Variants in L3MBTL4 observed in about 807,000 individuals in gnomAD.
The protein encoded by L3MBTL4 is L3MBTL histone methyl-lysine binding protein 4, also known as lethal(3)malignant brain tumor-like protein 4.
In L3MBTL4, 70 loss-of-function variants were observed where a neutral mutation model predicts 84.5. That is an observed-to-expected ratio of 0.83 (90% confidence interval 0.68 to 1.01). The LOEUF is 1.01. Among genes scored for constraint, L3MBTL4 ranks in the 50% least tolerant of loss-of-function variants. The pLI, the probability that L3MBTL4 is intolerant of heterozygous loss-of-function variation, is 0.00. For missense variants in L3MBTL4, 715 were observed against 754.8 expected (o/e 0.95, Z 0.62); for synonymous variants, 274 against 259.8 (o/e 1.05, Z -0.52).
At chr18:6,068,491 A>G (rs1240837539) in intron 16 of L3MBTL4, among the ~76,000 whole-genome samples, 2 of 152,216 alleles carry the variant, frequency 1.3e-5, no homozygotes, top group Non-Finnish European at 2.9e-5. Context: ...TTCCTGTCCC[A>G]GTATTCCAGC....
chr18:6,257,676 C>T (rs571231893), intron 5 of L3MBTL4, among the ~76,000 whole-genome samples: 13 of 112,630 alleles, frequency 1.2e-4, no homozygotes, highest in South Asian at 2.6e-4. Context: ...AATGGAGTTT[C>T]GCTCTTGTTG....
At chr18:6,116,527 C>T (rs958815966) in intron 14 of L3MBTL4, among the ~76,000 whole-genome samples, 1 of 152,100 alleles carries the variant, frequency 6.6e-6, no homozygotes, top group Non-Finnish European at 1.5e-5. Flanking sequence ...CCCTGCCCAG[C>T]TAATTTTTGT....
chr18:6,169,126 G>T (rs185721289), intron 13 of L3MBTL4, among the ~76,000 whole-genome samples: 1 of 152,322 alleles, frequency 6.6e-6, no homozygotes, highest in South Asian at 2.1e-4. Context: ...AAACCACAAT[G>T]AGATACCATC....
At chr18:6,093,026 T>C (rs941084387) in intron 15 of L3MBTL4, among the ~76,000 whole-genome samples, 6 of 152,184 alleles carry the variant, frequency 3.9e-5, no homozygotes, top group African/African-American at 1.2e-4. Flanking sequence ...GTAATATCTA[T>C]GAAACGATTC....
intron 1 of L3MBTL4, among the ~76,000 whole-genome samples, chr18:6,357,559 G>A (rs991424309): frequency 1.3e-5 from 2 of 152,112 alleles, no homozygotes; most frequent in African/African-American, 4.8e-5. Flanking sequence ...GAATGCACAA[G>A]TCCTCCAAAT....
intron 5 of L3MBTL4, among the ~76,000 whole-genome samples, chr18:6,262,398 A>T (rs1176009262): frequency 6.6e-6 from 1 of 152,202 alleles, no homozygotes; most frequent in Admixed American, 6.5e-5. Context: ...CACTGCCGGG[A>T]TACATGTAGG....
At chr18:6,345,423 A>G (rs1248128381) in intron 1 of L3MBTL4, among the ~76,000 whole-genome samples, 1 of 146,148 alleles carries the variant, frequency 6.8e-6, no homozygotes, top group Non-Finnish European at 1.5e-5. Flanking sequence ...CAAACAAACA[A>G]AAAAAACCAT....
intron 5 of L3MBTL4, among the ~76,000 whole-genome samples, chr18:6,251,778 T>C (rs1023927746): frequency 2.0e-5 from 3 of 152,304 alleles, no homozygotes; most frequent in African/African-American, 7.2e-5. Context: ...AATCCCCAGC[T>C]GCCAAAAGTG....
intron 16 of L3MBTL4, among the ~76,000 whole-genome samples, chr18:6,047,973 T>G (rs2056691863): frequency 6.6e-6 from 1 of 152,170 alleles, no homozygotes; most frequent in African/African-American, 2.4e-5. Flanking sequence ...TTATCTCTCT[T>G]TGCTGACAGT....
At chr18:6,384,876 T>G (rs945532812) in intron 1 of L3MBTL4, among the ~76,000 whole-genome samples, 1 of 152,062 alleles carries the variant, frequency 6.6e-6, no homozygotes, top group Non-Finnish European at 1.5e-5. Context: ...GCAAGAGGTA[T>G]GCCATGTTCA....
intron 4 of L3MBTL4, among the ~76,000 whole-genome samples, chr18:6,267,292 T>A (rs953560159): frequency 6.6e-6 from 1 of 152,254 alleles, no homozygotes; most frequent in Non-Finnish European, 1.5e-5. Context: ...AGCATTTTAA[T>A]CATCAAATAA....
At chr18:6,263,002 G>A (rs1184027387) in intron 5 of L3MBTL4, among the ~76,000 whole-genome samples, 10 of 152,168 alleles carry the variant, frequency 6.6e-5, no homozygotes, top group East Asian at 3.9e-4. Context: ...GGCTGGGCAC[G>A]GCGGCTTACG....
intron 14 of L3MBTL4, among the ~76,000 whole-genome samples, chr18:6,100,905 C>T (rs1016287475): frequency 5.9e-5 from 9 of 152,198 alleles, no homozygotes; most frequent in Non-Finnish European, 1.3e-4. Flanking sequence ...CCCAGGCTCC[C>T]CATGTGATCT....
intron 12 of L3MBTL4, among the ~76,000 whole-genome samples, chr18:6,175,568 C>T (rs1186703250): frequency 6.6e-6 from 1 of 151,988 alleles, no homozygotes; most frequent in Non-Finnish European, 1.5e-5. Context: ...TTCATTACAC[C>T]ACAGAAGAAG....
At chr18:6,088,464 A>G (rs1477574893) in intron 15 of L3MBTL4, among the ~76,000 whole-genome samples, 2 of 152,194 alleles carry the variant, frequency 1.3e-5, no homozygotes, top group Admixed American at 1.3e-4. Context: ...GAGCCGTGGG[A>G]AAGGGAGGAG....
At chr18:6,276,161 G>A (rs548587176) in intron 4 of L3MBTL4, among the ~76,000 whole-genome samples, 8 of 152,282 alleles carry the variant, frequency 5.3e-5, no homozygotes, top group Admixed American at 4.6e-4. Context: ...TCCCTGCTTC[G>A]AGGTGTCCCG....
chr18:6,286,366 A>AG (rs200463726), intron 4 of L3MBTL4, among the ~76,000 whole-genome samples: 1,709 of 151,936 alleles, frequency 0.011, 27 homozygotes, highest in African/African-American at 0.04. Flanking sequence ...CAGGAGGCTG[A>AG]GGCGGAAGAA....
intron 14 of L3MBTL4, among the ~76,000 whole-genome samples, chr18:6,134,317 C>A (rs1029807114): frequency 6.6e-6 from 1 of 152,102 alleles, no homozygotes; most frequent in African/African-American, 2.4e-5. Context: ...GGGACACAGC[C>A]AAACCATATC....
intron 16 of L3MBTL4, chr18:6,029,499 A>T (rs953075052): frequency 1.0e-6 from 1 of 981,320 alleles, no homozygotes; most frequent in Non-Finnish European, 1.2e-6. Context: ...GAAATATACA[A>T]TCTTTCCATA....
Sources: gnomAD v4.1 joint callset for allele counts (sites outside exome capture counted in the v4.1 genomes callset) on GRCh38, gnomAD v4.1.1 for gene constraint, MANE v1.5 for transcripts, NCBI Gene and HGNC (gene_info 2026-07-23, HGNC 2026-07-21) for gene names.